IK: variants seen among roughly 807,000 people sequenced by gnomAD.
The protein encoded by IK is protein Red.
A neutral mutation model predicts 90.9 loss-of-function variants in IK; 47 were observed. The observed-to-expected ratio is 0.52, with a 90% CI of 0.41 to 0.66. The LOEUF (loss-of-function observed/expected upper bound fraction) is 0.66, where lower values mean the gene tolerates loss of function less well. Ranked by LOEUF, IK falls within the 30% of genes least tolerant of loss-of-function variation. IK has a pLI of 0.00. For synonymous variants in IK, 201 were observed against 227.5 expected, an observed-to-expected ratio of 0.88 and a Z score of 1.05; for missense variants, 385 against 709.3, an observed-to-expected ratio of 0.54 and a Z score of 5.19.
chr5:140,652,213 T>C, intron 4 of IK, 66 bp downstream of exon 4: 3 of 1,198,124 alleles, frequency 2.5e-6, no homozygotes, highest in Non-Finnish European at 3.7e-6. Flanking sequence ...AAGTAGGGGC[T>C]AATTATGAAG....
chr5:140,658,633 TA>T (rs1757748609), intron 10 of IK, 103 bp from the exon 11 acceptor site: 1 of 1,011,900 alleles, frequency 9.9e-7, no homozygotes, highest in Non-Finnish European at 1.5e-6. Flanking sequence ...ACCCACGTTT[TA>T]AACAGAAGAT....
chr5:140,662,153 G>A, intron 18 of IK, 26 bp from the exon 19 acceptor site: 2 of 1,613,674 alleles, frequency 1.2e-6, no homozygotes, highest in South Asian at 2.2e-5. Flanking sequence ...GCAGCTTGGT[G>A]ATAGACTATC....
chr5:140,659,065 G>GCGAGAA lies in IK; in HGVS notation c.1083_1088dup (p.Glu361_Arg362dup). On this transcript the variant is annotated inframe_insertion, in exon 12 of 20. Transcript: ENST00000417647. ...ACAGAGACCGTGACCGAGAGCGAGA[G>GCGAGAA]CGAGAACGAGATCGGGAACGAGAGC... The GCGAGAA allele has an allele frequency of 6.2e-7, 1 of 1,611,946 alleles. No homozygotes were observed. The highest frequency in any genetic ancestry group is 1.1e-5 in the South Asian group (1 of 91,040).
At chr5:140,648,752 T>C (rs1757548901) in intron 2 of IK, 3 of 555,588 alleles carry the variant, frequency 5.4e-6, no homozygotes, top group Admixed American at 3.3e-5. Context: ...TTTTTTTTTT[T>C]TTTTATACGT....
chr5:140,654,611 G>A (rs760892324), intron 7 of IK, 25 bp downstream of exon 7: 2 of 1,585,134 alleles, frequency 1.3e-6, no homozygotes, highest in East Asian at 4.5e-5. Context: ...TGGAAAGGTT[G>A]AGAATTTAGA....
chr5:140,655,615 G>C (rs1483715046), intron 8 of IK, among the ~76,000 whole-genome samples: 2 of 152,198 alleles, frequency 1.3e-5, no homozygotes, highest in African/African-American at 4.8e-5. Context: ...CCATTACTTA[G>C]TAGATACATG....
chr5:140,662,023 C>A lies in IK; in HGVS notation c.1611+16C>A, dbSNP rs1199582484. On this transcript the variant is annotated intron_variant, in intron 18 of 19. Coordinates refer to ENST00000417647, the MANE Select transcript of IK (RefSeq NM_006083.4). ...GATTAGTGCAGTAAGTAGGATGGCC[C>A]CTTGGGTGGGAGGGTTTCAGCTGGG... 1 of 1,589,690 alleles carries A rather than the reference C, an allele frequency of 6.3e-7. No individual in the cohort carries two copies. The highest frequency in any genetic ancestry group is 2.3e-5 in the East Asian group (1 of 44,212).
At chr5:140,657,459 T>G in intron 9 of IK, 95 bp from the exon 10 acceptor site, 1 of 862,102 alleles carries the variant, frequency 1.2e-6, no homozygotes, top group Non-Finnish European at 1.9e-6. Flanking sequence ...ACCTACTGTA[T>G]TGTAATTCAG....
At chr5:140,657,708 T>G (rs918054035) in intron 10 of IK, 46 bp downstream of exon 10, 4 of 1,334,108 alleles carry the variant, frequency 3.0e-6, no homozygotes, top group Non-Finnish European at 4.2e-6. Context: ...AGAGGACGTT[T>G]GGGGATAAAA....
chr5:140,659,970 C>A, intron 14 of IK, 136 bp downstream of exon 14: 1 of 923,830 alleles, frequency 1.1e-6, no homozygotes. Flanking sequence ...TGAAACCATC[C>A]CTTGTTCCTT....
At chr5:140,659,936 C>T in intron 14 of IK, 102 bp downstream of exon 14, 1 of 981,496 alleles carries the variant, frequency 1.0e-6, no homozygotes, top group Non-Finnish European at 1.6e-6. Flanking sequence ...CTCTCCTTCC[C>T]TTTTACGCTG....
Position 140,657,571 on chromosome 5 carries a change from C to G in IK, c.819C>G (p.Thr273=), listed in dbSNP as rs1294604013. 6.2e-7 allele frequency: 1 copy of G among 1,611,746 alleles called. No individual in the cohort carries two copies. Among genetic ancestry groups the G allele is most frequent in the Non-Finnish European group, 8.5e-7 (1 of 1,179,084 alleles). ...CPTMEAQTTL[T]TNDIVISKLT... Reference sequence around the variant, plus strand: ...ATTTTCAGGCCCAGACCACACTGACCACAAATGACATTGTCATTAGCAAGC... The same window carrying G: ...ATTTTCAGGCCCAGACCACACTGACGACAAATGACATTGTCATTAGCAAGC... Residue 273 remains threonine (T), a synonymous_variant, in exon 10 of 20, where the codon ACC becomes ACG. Coordinates refer to ENST00000417647, the MANE Select transcript of IK (RefSeq NM_006083.4).
chr5:140,660,292 C>CTTGTTTTTTTTTTTTTTTTTTTTTTTT (rs1757781520), intron 15 of IK, 97 bp downstream of exon 15: 1 of 245,104 alleles, frequency 4.1e-6, no homozygotes, highest in Admixed American at 6.3e-5. Context: ...AGGGCTACTT[C>CTTGTTTTTTTTTTTTTTTTTTTTTTTT]TTTTTTTTTT....
At chr5:140,662,270 C>T in intron 19 of IK, 32 bp from the exon 20 acceptor site, 1 of 1,613,966 alleles carries the variant, frequency 6.2e-7, no homozygotes. Flanking sequence ...GTGTATTGAT[C>T]TTATACTGAC....
rs564842624 is a variant in IK at position 140,649,337 on chromosome 5, T to C, written c.83+800T>C. Among the ~76,000 whole-genome samples the C allele has an allele frequency of 2.0e-5, 3 of 151,696 alleles. No individual in the cohort carries two copies. In the East Asian group the frequency reaches 5.8e-4, roughly 30 times the overall value. ...GGTTCTCCTGCCTCAGCCTCCCAAG[T>C]AGCTGGGACTACAGGCATGTGCCAC... On this transcript the variant is annotated intron_variant, in intron 2 of 19. Coordinates refer to ENST00000417647, the MANE Select transcript of IK (RefSeq NM_006083.4).
At position 140,648,600 on chromosome 5, in the gene IK, T is replaced by C. The variant is rs142170089; in HGVS notation, c.83+63T>C. The C allele has an allele frequency of 4.9e-4, 714 of 1,452,232 alleles. 1 individual carries two copies. In the African/African-American group the frequency reaches 8.9e-3, roughly 18 times the overall value. The allele number at this position is 1,452,232 out of a possible 1,614,324, so 90.0% of individuals were successfully genotyped here. A position where few individuals can be genotyped will look rare whatever the true frequency, so the allele number is the denominator to read the frequency against. Reference sequence around the variant, plus strand: ...GCAATGAATAGAAAAGTGGTGGTGATGGTGAAAGAATTCTGAATGTCTTGT... The same window carrying C: ...GCAATGAATAGAAAAGTGGTGGTGACGGTGAAAGAATTCTGAATGTCTTGT... On this transcript the variant is annotated intron_variant, in intron 2 of 19. Coordinates refer to ENST00000417647, the MANE Select transcript of IK (RefSeq NM_006083.4).
Position 140,657,556 on chromosome 5 carries a change from C to T in IK, c.804C>T (p.Ala268=), listed in dbSNP as rs771263392. The T allele has an allele frequency of 1.2e-5, 19 of 1,602,200 alleles. No individual in the cohort carries two copies. In the African/African-American group the frequency reaches 1.3e-4, roughly 11 times the overall value. Residue 268 remains alanine (A), a splice_region_variant and synonymous_variant, in exon 10 of 20, where the codon GCC becomes GCT. Coordinates refer to ENST00000417647, the MANE Select transcript of IK (RefSeq NM_006083.4). ...RSKADCPTME[A]QTTLTTNDIV... ...TTCTTGTTTCTTGGTATTTTCAGGC[C>T]CAGACCACACTGACCACAAATGACA...
Position 140,661,578 on chromosome 5 carries a change from A to G in IK, c.1414-42A>G, listed in dbSNP as rs1020391687. ...AAGGGCTGAAATTCCATTTCCACTGACATCTCTTCCTTCCCCATCCCCCGA... is the reference window on the plus strand; with the variant it reads ...AAGGGCTGAAATTCCATTTCCACTGGCATCTCTTCCTTCCCCATCCCCCGA... On this transcript the variant is annotated intron_variant, in intron 16 of 19. Coordinates refer to ENST00000417647, the MANE Select transcript of IK (RefSeq NM_006083.4). The surrounding 1 kb of genome is among the most constrained non-coding windows in gnomAD (Gnocchi z 4.2). 16 of 1,373,646 alleles carry G rather than the reference A, an allele frequency of 1.2e-5. No homozygotes were observed. Among genetic ancestry groups the G allele is most frequent in the Non-Finnish European group, 1.5e-5 (15 of 983,554 alleles). 85.1% of individuals were successfully genotyped at this position (1,373,646 alleles called of 1,614,324 possible).
rs775426500 is a variant in IK at position 140,647,957 on chromosome 5, A to C, written c.16+33A>C. 2.5e-6 allele frequency: 4 copies of C among 1,611,526 alleles called. No homozygotes were observed. In the African/African-American group the frequency reaches 5.4e-5, roughly 22 times the overall value. ...TCAGGCCATCCGTTATTTCTTCCCC[A>C]TGGCACTTGGGGCACTTGGCGCATT... On this transcript the variant is annotated intron_variant, in intron 1 of 19. Transcript: ENST00000417647.
Sources: gnomAD v4.1 joint callset for allele counts (sites outside exome capture counted in the v4.1 genomes callset) on GRCh38, gnomAD v4.1.1 for gene constraint, Gnocchi (gnomAD v3.1) non-coding constraint, MANE v1.5 for transcripts, NCBI Gene and HGNC (gene_info 2026-07-23, HGNC 2026-07-21) for gene names.